Variants in PEMT observed in about 807,000 individuals in gnomAD.
The protein encoded by PEMT is phospholipid methyltransferase.
In PEMT, 23 loss-of-function variants were observed where a neutral mutation model predicts 27.4. That is an observed-to-expected ratio of 0.84 (90% CI 0.60 to 1.19). The LOEUF is 1.19. Ranked by LOEUF, PEMT falls within the 50% of genes most tolerant of loss-of-function variation. PEMT has a pLI of 0.00. For missense variants in PEMT, 307 were observed against 310.1 expected (o/e 0.99, Z 0.07); for synonymous variants, 137 against 139.1 (o/e 0.98, Z 0.11).
At chr17:17,577,388 T>G (rs1474328167) in intron 1 of PEMT, 7 of 865,648 alleles carry the variant, frequency 8.1e-6, no homozygotes, top group Non-Finnish European at 8.8e-6. Context: ...GCAGCTGAGA[T>G]AAATGTGAAG....
intron 2 of PEMT, among the ~76,000 whole-genome samples, chr17:17,524,994 C>T (rs892106508): frequency 1.3e-5 from 2 of 152,090 alleles, no homozygotes; most frequent in African/African-American, 2.4e-5. Context: ...TGTAGTTCAG[C>T]TACTCGGGAG....
At position 17,513,511 on chromosome 17, in the gene PEMT, C is replaced by T. The variant is rs1376160480; in HGVS notation, c.321-857G>A. Among the ~76,000 whole-genome samples, 1 of 152,120 alleles carries T rather than the reference C, an allele frequency of 6.6e-6. No homozygotes were observed. The highest frequency in any genetic ancestry group is 1.5e-5 in the Non-Finnish European group (1 of 68,028). ...ACTTGAGAGGCTGGGGCACAAGAAT[C>T]GCTTGAACCCAGGAGGCGGAGTTTG... On this transcript the variant is annotated intron_variant, in intron 3 of 6. Coordinates refer to ENST00000255389, the MANE Select transcript of PEMT (RefSeq NM_148172.3). This position sits in a 1 kb window ranked among gnomAD's most constrained non-coding sequence, Gnocchi z 4.1.
intron 3 of PEMT, among the ~76,000 whole-genome samples, chr17:17,520,435 A>G (rs1246039130): frequency 6.6e-6 from 1 of 152,218 alleles, no homozygotes; most frequent in East Asian, 1.9e-4. Context: ...AATGCTGGTC[A>G]GCGCTTCATG....
At chr17:17,571,704 GTTTT>G (rs1420975304) in intron 2 of PEMT, among the ~76,000 whole-genome samples, 3 of 121,920 alleles carry the variant, frequency 2.5e-5, no homozygotes, top group Non-Finnish European at 5.2e-5. Context: ...AGTCTGTTTT[GTTTT>G]GGGTTTTTTT....
intron 2 of PEMT, among the ~76,000 whole-genome samples, chr17:17,564,260 A>G (rs1803364443): frequency 6.6e-6 from 1 of 152,110 alleles, no homozygotes; most frequent in Admixed American, 6.5e-5. Context: ...ACCTGCCCAC[A>G]TTCCACTCCT....
chr17:17,554,315 GAGA>G (rs1293216134), intron 2 of PEMT, among the ~76,000 whole-genome samples: 2 of 152,208 alleles, frequency 1.3e-5, no homozygotes, highest in African/African-American at 2.4e-5. Context: ...AATCCATGAA[GAGA>G]AGATGCTGCC....
chr17:17,519,070 G>GGGGGTGT (rs1263113098), intron 3 of PEMT: 1 of 152,272 alleles, frequency 6.6e-6, no homozygotes, highest in African/African-American at 2.4e-5. Context: ...GAAAGGGTGT[G>GGGGGTGT]GGGGTGTGGG....
At chr17:17,586,259 AGAAAGAAAGAAAGAAAGAAAGAAAGAAAG>A (rs1490296419) in intron 1 of PEMT, among the ~76,000 whole-genome samples, 10 of 116,834 alleles carry the variant, frequency 8.6e-5, no homozygotes, top group African/African-American at 3.0e-4. Flanking sequence ...AAAGAAAGAA[AGAAAGAAAGAAAGAAAGAAAGAAAGAAAG>A]AAAAAAAAAA....
Position 17,512,372 on chromosome 17 carries a change from G to T in PEMT, c.466+137C>A. ...CCACAGACAAGCCAGGCCTGGAGGAGCAAAGACGCCCCGATGGAGGGGGCC... is the reference window on the plus strand; with the variant it reads ...CCACAGACAAGCCAGGCCTGGAGGATCAAAGACGCCCCGATGGAGGGGGCC... On this transcript the variant is annotated intron_variant, in intron 4 of 6. Coordinates refer to ENST00000255389, the MANE Select transcript of PEMT (RefSeq NM_148172.3). This position sits in a 1 kb window ranked among gnomAD's most constrained non-coding sequence, Gnocchi z 6.3. The T allele has an allele frequency of 1.4e-6, 1 of 726,176 alleles. No individual in the cohort carries two copies. The allele number at this position is 726,176 out of a possible 1,614,324, so 45.0% of individuals were successfully genotyped here.
chr17:17,518,770 T>C lies in PEMT; in HGVS notation c.320+3510A>G, dbSNP rs537314852. 2.8e-3 allele frequency among the ~76,000 whole-genome samples: 429 copies of C among 152,098 alleles called. 1 individual carries two copies. The highest frequency in any genetic ancestry group is 3.4e-3 in the Middle Eastern group (1 of 294). On this transcript the variant is annotated intron_variant, in intron 3 of 6. Coordinates refer to ENST00000255389, the MANE Select transcript of PEMT (RefSeq NM_148172.3). Reference sequence around the variant, plus strand: ...ACCCCACAAAGCTTGCCATCTCCCATGGAGAACGATGCCACACCCCAAAGG... The same window carrying C: ...ACCCCACAAAGCTTGCCATCTCCCACGGAGAACGATGCCACACCCCAAAGG...
rs1905812133 is a variant in PEMT, at chr17:17,506,111, G to A, written c.653+116C>T. The A allele has an allele frequency of 3.9e-6, 4 of 1,031,114 alleles. No individual in the cohort carries two copies. The South Asian group carries it at 4.9e-5, about 13-fold the overall frequency. 63.9% of individuals were successfully genotyped at this position (1,031,114 alleles called of 1,614,324 possible). On this transcript the variant is annotated intron_variant, in intron 6 of 6. Transcript: ENST00000255389. ...CGCTCTGACCTGGGAGCCCTGGAGT[G>A]GGCCTGGCTGACGGCAGCCTGTCCT...
At chr17:17,562,183 G>A (rs1240100306) in intron 2 of PEMT, among the ~76,000 whole-genome samples, 1 of 152,194 alleles carries the variant, frequency 6.6e-6, no homozygotes, top group Admixed American at 6.5e-5. Context: ...CTGCACACAC[G>A]GCCGAGGCCC....
In PEMT at chr17:17,572,927, G is replaced by A. The variant is rs150484655; in HGVS notation, c.204+3993C>T. On this transcript the variant is annotated intron_variant, in intron 2 of 6. Transcript: ENST00000255389. ...TCAAGAGCCAGGCGTGGTGGCTCAT[G>A]CCTGTAATCCCAGCACTTTGGGAGG... is the stretch of plus-strand genomic sequence containing the variant. Among the ~76,000 whole-genome samples the A allele has an allele frequency of 4.8e-3, 726 of 152,346 alleles. 5 individuals carry two copies. The highest frequency in any genetic ancestry group is 8.3e-3 in the Non-Finnish European group (563 of 68,034).
At position 17,522,368 on chromosome 17, in the gene PEMT, T is replaced by C. The variant is rs1257131019; in HGVS notation, c.232A>G (p.Lys78Glu). Residue 78 changes from lysine to glutamate, a missense_variant, in exon 3 of 7, where the codon AAG (lysine) becomes GAG (glutamate). Transcript: ENST00000255389. Reference sequence around the variant, plus strand: ...GGGGATCCGAAGGCCCTGCTCAGCTTGCGGGTCTTGTGTTCCCATCGTGCA... The same window carrying C: ...GGGGATCCGAAGGCCCTGCTCAGCTCGCGGGTCTTGTGTTCCCATCGTGCA... ...VVARWEHKTR[K>E]LSRAFGSPYL... 1.9e-6 allele frequency: 3 copies of C among 1,612,038 alleles called. No individual in the cohort carries two copies. The South Asian group carries it at 3.3e-5, about 18-fold the overall frequency.
chr17:17,506,041 G>A (rs1015937900), intron 6 of PEMT, among the ~76,000 whole-genome samples, 186 bp downstream of exon 6: 12 of 152,146 alleles, frequency 7.9e-5, no homozygotes, highest in East Asian at 1.9e-4. Flanking sequence ...GAGAGGGGCC[G>A]GCTGCCTGCT....
chr17:17,508,004 C>G (rs999438576), intron 5 of PEMT: 4 of 152,372 alleles, frequency 2.6e-5, no homozygotes, highest in African/African-American at 9.7e-5. Context: ...TGGGGAGGCA[C>G]CGAAGGTTGG....
At chr17:17,576,428 C>T (rs538183834) in intron 2 of PEMT, among the ~76,000 whole-genome samples, 4 of 152,290 alleles carry the variant, frequency 2.6e-5, no homozygotes, top group East Asian at 1.9e-4. Flanking sequence ...CGCCTAGGTC[C>T]GGAATGCGCA....
intron 2 of PEMT, among the ~76,000 whole-genome samples, chr17:17,553,386 T>C (rs1909803148): frequency 6.6e-6 from 1 of 152,194 alleles, no homozygotes; most frequent in South Asian, 2.1e-4. Context: ...TAACTATCCC[T>C]GTCTTCTGTG....
intron 5 of PEMT, chr17:17,508,916 G>C (rs546285416): frequency 3.0e-6 from 1 of 332,396 alleles, no homozygotes; most frequent in Non-Finnish European, 6.1e-6. Flanking sequence ...CCCCTCCTGC[G>C]GGGAAGATGG....
Sources: gnomAD v4.1 joint callset for allele counts (sites outside exome capture counted in the v4.1 genomes callset) on GRCh38, gnomAD v4.1.1 for gene constraint, Gnocchi (gnomAD v3.1) non-coding constraint, MANE v1.5 for transcripts, NCBI Gene and HGNC (gene_info 2026-07-23, HGNC 2026-07-21) for gene names.